The following ERC2 variants were observed in gnomAD, a reference collection of about 807,000 sequenced individuals.
The protein encoded by ERC2 is ELKS/RAB6-interacting/CAST family member 2.
A neutral mutation model predicts 114.8 loss-of-function variants in ERC2; 42 were observed. The ratio of observed to expected loss-of-function variants is 0.37; its 90% CI spans 0.29 to 0.47. The LOEUF is 0.47. Among genes scored for constraint, ERC2 ranks in the 20% least tolerant of loss-of-function variants. The pLI, the probability that ERC2 is intolerant of heterozygous loss-of-function variation, is 0.99. For synonymous variants in ERC2, 454 were observed against 425.5 expected (o/e 1.07, Z -0.82); for missense variants, 939 against 1,150.7 (o/e 0.82, Z 2.66).
At chr3:55,790,174 C>T (rs895455634) in intron 14 of ERC2, among the ~76,000 whole-genome samples, 2 of 152,266 alleles carry the variant, frequency 1.3e-5, no homozygotes, top group Admixed American at 6.5e-5. Flanking sequence ...GGGAGCTGAC[C>T]TCTGATTGCT....
intron 17 of ERC2, among the ~76,000 whole-genome samples, chr3:55,564,901 C>T (rs1431787633): frequency 7.9e-5 from 12 of 152,238 alleles, no homozygotes; most frequent in Non-Finnish European, 1.8e-4. Context: ...TCTGGCTTTG[C>T]TGGCCATATG....
intron 17 of ERC2, among the ~76,000 whole-genome samples, chr3:55,615,053 G>A (rs1200045106): frequency 1.3e-5 from 2 of 152,186 alleles, no homozygotes; most frequent in African/African-American, 4.8e-5. Flanking sequence ...AGCCTACTAT[G>A]TTCACAGTTA....
At chr3:56,186,251 C>G (rs1209795397) in intron 3 of ERC2, among the ~76,000 whole-genome samples, 1 of 151,074 alleles carries the variant, frequency 6.6e-6, no homozygotes, top group Admixed American at 6.6e-5. Context: ...GCTAATAAAT[C>G]TGTGTTGTTT....
At chr3:55,864,257 ATGTG>A (rs560391146) in intron 14 of ERC2, among the ~76,000 whole-genome samples, 19 of 148,090 alleles carry the variant, frequency 1.3e-4, no homozygotes, top group Middle Eastern at 3.6e-3. Context: ...ATGTATATAT[ATGTG>A]TGTGTGTATG....
chr3:55,772,661 A>G (rs759700130), intron 14 of ERC2, among the ~76,000 whole-genome samples: 44 of 151,858 alleles, frequency 2.9e-4, no homozygotes, highest in African/African-American at 6.5e-4. Flanking sequence ...TCAAGTTATC[A>G]CCCATCCTTT....
Position 55,554,997 on chromosome 3 carries a change from C to T in ERC2, c.*40-43721G>A, listed in dbSNP as rs994565411. Reference sequence around the variant, plus strand: ...AGCCCTGGCTCTCAGACAGAAACTTCACCAGCGATTCTGAGGATCCCATTT... The same window carrying T: ...AGCCCTGGCTCTCAGACAGAAACTTTACCAGCGATTCTGAGGATCCCATTT... On this transcript the variant is annotated intron_variant, in intron 17 of 17. Transcript: ENST00000288221. Among the ~76,000 whole-genome samples the T allele has an allele frequency of 9.2e-5, 14 of 152,308 alleles. No individual in the cohort carries two copies. In the East Asian group the frequency reaches 2.7e-3, roughly 29 times the overall value.
intron 17 of ERC2, among the ~76,000 whole-genome samples, chr3:55,551,876 C>T (rs903536548): frequency 2.0e-5 from 3 of 152,230 alleles, no homozygotes; most frequent in Admixed American, 1.3e-4. Context: ...TTAAACATCA[C>T]AACTTCTGTA....
At chr3:55,683,564 C>T (rs569909174) in intron 17 of ERC2, among the ~76,000 whole-genome samples, 4 of 152,196 alleles carry the variant, frequency 2.6e-5, no homozygotes, top group South Asian at 2.1e-4. Context: ...TCGTGCTAAA[C>T]CCAGCCCCAA....
intron 14 of ERC2, among the ~76,000 whole-genome samples, chr3:55,823,459 C>A (rs759535765): frequency 7.9e-5 from 12 of 152,154 alleles, no homozygotes; most frequent in African/African-American, 1.2e-4. Context: ...GGGTCCCCCT[C>A]CTCCCTGTCT....
At chr3:55,599,642 C>T (rs1006704350) in intron 17 of ERC2, among the ~76,000 whole-genome samples, 8 of 152,158 alleles carry the variant, frequency 5.3e-5, no homozygotes, top group African/African-American at 1.9e-4. Context: ...AACTTCAGCA[C>T]TAAATCAATA....
At chr3:55,853,483 T>C (rs997579697) in intron 14 of ERC2, among the ~76,000 whole-genome samples, 1 of 151,896 alleles carries the variant, frequency 6.6e-6, no homozygotes, top group Middle Eastern at 3.4e-3. Context: ...GTCATGATTG[T>C]GCCACTGCAC....
intron 14 of ERC2, among the ~76,000 whole-genome samples, chr3:55,784,221 A>G (rs4955883): frequency 0.15 from 22,094 of 151,944 alleles, 1,767 homozygotes; most frequent in East Asian, 0.22. Context: ...TGTATTCTCT[A>G]TCTTTGTGAT....
chr3:55,948,857 T>C (rs1015718247), intron 13 of ERC2, among the ~76,000 whole-genome samples: 2 of 152,258 alleles, frequency 1.3e-5, no homozygotes, highest in Non-Finnish European at 2.9e-5. Context: ...CAAATCGTTT[T>C]TAATGTTTCA....
intron 16 of ERC2, among the ~76,000 whole-genome samples, chr3:55,688,953 G>A (rs753026127): frequency 3.3e-5 from 5 of 152,090 alleles, no homozygotes; most frequent in South Asian, 2.1e-4. Context: ...TCTATCGCAC[G>A]AGCCACATCT....
intron 5 of ERC2, among the ~76,000 whole-genome samples, chr3:56,142,796 G>A (rs949591818): frequency 6.7e-6 from 1 of 149,454 alleles, no homozygotes; most frequent in African/African-American, 2.4e-5. Flanking sequence ...TTTTCTTGCA[G>A]ATTTTGTGAT....
intron 2 of ERC2, among the ~76,000 whole-genome samples, chr3:56,404,339 T>C (rs1306472498): frequency 6.6e-6 from 1 of 152,208 alleles, no homozygotes; most frequent in Non-Finnish European, 1.5e-5. Context: ...AAATTCCCTA[T>C]TCGTATTGCC....
chr3:56,237,276 A>T (rs1156966722), intron 3 of ERC2, among the ~76,000 whole-genome samples: 3 of 152,172 alleles, frequency 2.0e-5, no homozygotes, highest in Non-Finnish European at 2.9e-5. Context: ...TGGACTCCAC[A>T]TGTGTTTACT....
chr3:56,090,392 A>G (rs1221845785), intron 6 of ERC2, among the ~76,000 whole-genome samples: 1 of 152,046 alleles, frequency 6.6e-6, no homozygotes, highest in African/African-American at 2.4e-5. Flanking sequence ...TGAAGAATCA[A>G]TTTTGTGCCA....
rs397873939 is a variant in ERC2 at position 56,284,988 on chromosome 3, G to GTCTC, written c.1074+11027_1074+11030dup. 2.8e-3 allele frequency among the ~76,000 whole-genome samples: 325 copies of GTCTC among 115,566 alleles called. 1 individual carries two copies. The highest frequency in any genetic ancestry group is 8.0e-3 in the African/African-American group (239 of 29,716). The allele number at this position is 115,566 out of a possible 152,430, so 75.8% of individuals were successfully genotyped here. On this transcript the variant is annotated intron_variant, in intron 3 of 17. Coordinates refer to ENST00000288221, the MANE Select transcript of ERC2 (RefSeq NM_015576.3). The stretch of plus-strand genomic sequence containing the variant: ...TGTCTCTATCAATCTCAATCACTCT[G>GTCTC]TCTCTCTCTCTCTCTCTCTCTCTCA...
Sources: gnomAD v4.1 joint callset for allele counts (sites outside exome capture counted in the v4.1 genomes callset) on GRCh38, gnomAD v4.1.1 for gene constraint, MANE v1.5 for transcripts, NCBI Gene and HGNC (gene_info 2026-07-23, HGNC 2026-07-21) for gene names.